Variants in TENM2 observed in about 807,000 individuals in gnomAD.
TENM2 encodes teneurin transmembrane protein 2.
A neutral mutation model predicts 245.2 loss-of-function variants in TENM2; 52 were observed. The ratio of observed to expected loss-of-function variants is 0.21; its 90% CI spans 0.17 to 0.27. The LOEUF (loss-of-function observed/expected upper bound fraction) is 0.27, where lower values mean the gene tolerates loss of function less well. Among genes scored for constraint, TENM2 ranks in the 10% least tolerant of loss-of-function variants. TENM2 has a pLI of 1.00. For synonymous variants in TENM2, 1,363 were observed against 1,438.9 expected (o/e 0.95, Z 1.19); for missense variants, 3,046 against 3,666.8 (o/e 0.83, Z 4.37).
chr5:167,824,438 C>T (rs137913800), intron 2 of TENM2, among the ~76,000 whole-genome samples: 8 of 152,292 alleles, frequency 5.3e-5, no homozygotes, highest in African/African-American at 1.9e-4. Flanking sequence ...ACCCTCAGAG[C>T]TCAGAGAGGT....
At chr5:167,781,377 G>C (rs1764176473) in intron 2 of TENM2, among the ~76,000 whole-genome samples, 1 of 152,146 alleles carries the variant, frequency 6.6e-6, no homozygotes, top group African/African-American at 2.4e-5. Flanking sequence ...AGCAAAATGT[G>C]TTAATACAAA....
intron 1 of TENM2, chr5:167,287,898 G>C (rs949732333): frequency 2.6e-5 from 4 of 152,164 alleles, no homozygotes; most frequent in African/African-American, 9.7e-5. Flanking sequence ...GACTAATCCT[G>C]CACTAAATAG....
chr5:167,132,666 A>C, the TENM2 span, among the ~76,000 whole-genome samples: 1 of 152,212 alleles, frequency 6.6e-6, no homozygotes. Flanking sequence ...CAAGGTGCTC[A>C]AAATATCATA....
chr5:167,902,742 C>T (rs1054709118), intron 3 of TENM2, among the ~76,000 whole-genome samples: 2 of 152,164 alleles, frequency 1.3e-5, no homozygotes, highest in Non-Finnish European at 2.9e-5. Context: ...TTTCATATTG[C>T]AATACTTCAG....
the TENM2 span, among the ~76,000 whole-genome samples, chr5:167,221,687 C>T: frequency 4.6e-5 from 7 of 152,160 alleles, no homozygotes; most frequent in Non-Finnish European, 8.8e-5. Context: ...TATAGTAAAA[C>T]ACTAACTTTG....
chr5:167,339,177 C>T (rs950539592), intron 1 of TENM2, among the ~76,000 whole-genome samples: 2 of 152,178 alleles, frequency 1.3e-5, no homozygotes, highest in Non-Finnish European at 2.9e-5. Flanking sequence ...GTATCTAAAT[C>T]AGATATGAAT....
At chr5:168,165,133 A>C (rs977296412) in intron 13 of TENM2, 17 of 152,270 alleles carry the variant, frequency 1.1e-4, no homozygotes, top group African/African-American at 4.1e-4. Context: ...AACAGTTTAC[A>C]GACCTGATGT....
chr5:168,048,682 T>C (rs767057434), intron 6 of TENM2, among the ~76,000 whole-genome samples: 1 of 152,178 alleles, frequency 6.6e-6, no homozygotes, highest in Non-Finnish European at 1.5e-5. Context: ...ATTCCAGAAT[T>C]CATCTGCCCC....
the TENM2 span, among the ~76,000 whole-genome samples, chr5:167,214,804 G>A: frequency 1.3e-5 from 2 of 152,190 alleles, no homozygotes; most frequent in Non-Finnish European, 2.9e-5. Flanking sequence ...GCAGCAGACA[G>A]ATTTGCCTTA....
chr5:167,974,182 A>AG (rs797013101), intron 4 of TENM2, among the ~76,000 whole-genome samples: 3 of 258 alleles, frequency 0.012, no homozygotes, highest in Admixed American at 0.083. Flanking sequence ...GGAGGGAGGA[A>AG]GGAAGGAAGG....
rs192032164 is a variant in TENM2 at position 167,465,700 on chromosome 5, G to A, written c.502+90227G>A. Among the ~76,000 whole-genome samples the A allele has an allele frequency of 2.0e-4, 31 of 152,220 alleles. No homozygotes were observed. In the East Asian group the frequency reaches 5.4e-3, roughly 27 times the overall value. On this transcript the variant is annotated intron_variant, in intron 2 of 28. Coordinates refer to ENST00000518659, the Ensembl canonical transcript of TENM2. ...AAAAAAATTAGCCGGGCTTGGTGGC[G>A]GGCGCCTGTAGTCCCAGCTACTCCG...
At chr5:167,792,812 G>C (rs1765075516) in intron 2 of TENM2, among the ~76,000 whole-genome samples, 1 of 151,902 alleles carries the variant, frequency 6.6e-6, no homozygotes, top group Non-Finnish European at 1.5e-5. Context: ...TAATAGCGGT[G>C]TCAGCATGTG....
intron 13 of TENM2, among the ~76,000 whole-genome samples, chr5:168,185,572 C>T (rs1281393996): frequency 1.3e-5 from 2 of 152,038 alleles, no homozygotes; most frequent in African/African-American, 4.8e-5. Flanking sequence ...GATTCAAACC[C>T]AGATACCCTG....
chr5:167,558,524 G>T (rs750208065), intron 2 of TENM2, among the ~76,000 whole-genome samples: 1 of 152,194 alleles, frequency 6.6e-6, no homozygotes, highest in Non-Finnish European at 1.5e-5. Flanking sequence ...CCTCCTGTCA[G>T]ATCAGCAGCA....
At chr5:168,144,739 C>T (rs577898887) in intron 12 of TENM2, among the ~76,000 whole-genome samples, 1 of 152,200 alleles carries the variant, frequency 6.6e-6, no homozygotes, top group South Asian at 2.1e-4. Flanking sequence ...AGTTCTAGAT[C>T]CCTGAGGAAT....
At chr5:168,114,731 G>T (rs910269169) in intron 9 of TENM2, among the ~76,000 whole-genome samples, 6 of 152,206 alleles carry the variant, frequency 3.9e-5, no homozygotes, top group Admixed American at 3.9e-4. Context: ...TGAGTGTCCT[G>T]CTTTCCAGTG....
chr5:168,093,520 T>C (rs916646791), intron 8 of TENM2, among the ~76,000 whole-genome samples: 1 of 152,210 alleles, frequency 6.6e-6, no homozygotes, highest in African/African-American at 2.4e-5. Context: ...ACCCCCGTGA[T>C]GTGAAACAGA....
chr5:168,112,614 G>A (rs1459443283), intron 9 of TENM2, among the ~76,000 whole-genome samples: 1 of 121,028 alleles, frequency 8.3e-6, no homozygotes, highest in Non-Finnish European at 1.7e-5. Flanking sequence ...GGCGGGGGGG[G>A]GGTCAAACTT....
At chr5:167,003,506 C>A in the TENM2 span, among the ~76,000 whole-genome samples, 1 of 152,156 alleles carries the variant, frequency 6.6e-6, no homozygotes, top group Non-Finnish European at 1.5e-5. Context: ...GTTGAAATCA[C>A]TTCATGGCTC....
Sources: gnomAD v4.1 joint callset for allele counts (sites outside exome capture counted in the v4.1 genomes callset) on GRCh38, gnomAD v4.1.1 for gene constraint, MANE v1.5 for transcripts, NCBI Gene and HGNC (gene_info 2026-07-23, HGNC 2026-07-21) for gene names.